PLEKHF1: variants seen among roughly 807,000 people sequenced by gnomAD.
PLEKHF1 encodes the protein pleckstrin homology and FYVE domain containing 1, also known as pleckstrin homology domain-containing family F member 1.
Under a neutral mutation model 4.1 loss-of-function variants are expected in PLEKHF1, and 1 was observed. The observed-to-expected ratio is 0.24, with a 90% CI of 0.09 to 1.15. The LOEUF is 1.15. Ranked by LOEUF, PLEKHF1 falls within the 50% of genes most tolerant of loss-of-function variation. The pLI, the probability that PLEKHF1 is intolerant of heterozygous loss-of-function variation, is 0.52. For synonymous variants in PLEKHF1, 182 were observed against 178.5 expected (o/e 1.02, Z -0.16); for missense variants, 429 against 400.6 (o/e 1.07, Z -0.60).
chr19:29,673,774 C>T (rs1033140664), intron 1 of PLEKHF1, 50 bp from the exon 2 acceptor site: 5 of 1,547,550 alleles, frequency 3.2e-6, no homozygotes, highest in Non-Finnish European at 4.4e-6. Context: ...GTGGTTCTGA[C>T]ACCCCCATGC....
At chr19:29,672,989 C>T (rs1004278591) in intron 1 of PLEKHF1, among the ~76,000 whole-genome samples, 4 of 152,200 alleles carry the variant, frequency 2.6e-5, no homozygotes, top group African/African-American at 9.6e-5. Context: ...TGTGGCCTCA[C>T]ACTCCACTCG....
rs997163006 is a variant in PLEKHF1, at chr19:29,674,203, T to C, written c.364T>C (p.Trp122Arg). ...CGCCTCCGCTACGGAGCGCCAGGAA[T>C]GGATTAGCCACATCGAGGAGTGCGT... The part of the protein sequence containing the change: ...SAASATERQE[W>R]ISHIEECVRR... Residue 122 changes from tryptophan to arginine, a missense_variant, in exon 2 of 2, where the codon TGG becomes CGG. Transcript: ENST00000436066. 6.2e-7 allele frequency: 1 copy of C among 1,612,948 alleles called. No homozygotes were observed. The highest frequency in any genetic ancestry group is 1.3e-5 in the African/African-American group (1 of 75,046).
chr19:29,669,739 T>C (rs1971609196), intron 1 of PLEKHF1, among the ~76,000 whole-genome samples: 1 of 152,216 alleles, frequency 6.6e-6, no homozygotes, highest in South Asian at 2.1e-4. Context: ...AAAAAAACTT[T>C]TTTAAAAATG....
At position 29,674,380 on chromosome 19, in the gene PLEKHF1, G is replaced by A. The variant is rs572876890; in HGVS notation, c.541G>A (p.Val181Met). Residue 181 changes from valine (V) to methionine (M), a missense_variant, in exon 2 of 2, where the codon GTG becomes ATG. Physicochemically the swap from Val to Met is conservative, Grantham distance 21. Coordinates refer to ENST00000436066, the MANE Select transcript of PLEKHF1 (RefSeq NM_024310.5). ...CCACCACTGCCGCAAGTGCGGCTTC[G>A]TGGTCTGCGCTGAGTGCTCGCGCCA... ...RRHHCRKCGFVVCAECSRQRF... is the reference protein window; with the variant it reads ...RRHHCRKCGFMVCAECSRQRF... 3.9e-6 allele frequency: 6 copies of A among 1,535,788 alleles called. No individual in the cohort carries two copies. The highest frequency in any genetic ancestry group is 1.2e-5 in the South Asian group (1 of 84,710).
rs867833514 is a variant in PLEKHF1 at position 29,674,135 on chromosome 19, G to A, written c.296G>A (p.Arg99His). 3 of 1,613,824 alleles carry A rather than the reference G, an allele frequency of 1.9e-6. No homozygotes were observed. The highest frequency in any genetic ancestry group is 2.5e-6 in the Non-Finnish European group (3 of 1,179,986). ...CCGGAGACGCTGCAGGCCAAGAACC[G>A]CTGGATGATCAAGACGGCCAAGAAG... ...LLPETLQAKNRWMIKTAKKSF... is the reference protein window; with the variant it reads ...LLPETLQAKNHWMIKTAKKSF... The change falls in exon 2 of 2, where the codon CGC becomes CAC. Residue 99 changes from arginine to histidine, a missense_variant. By Grantham distance (29) the Arg-to-His change is conservative. Transcript: ENST00000436066.
At chr19:29,668,444 G>T (rs1483166560) in intron 1 of PLEKHF1, among the ~76,000 whole-genome samples, 1 of 151,998 alleles carries the variant, frequency 6.6e-6, no homozygotes, top group Non-Finnish European at 1.5e-5. Context: ...TCCCAGCTGG[G>T]CTCAGTGGCT....
Position 29,674,875 on chromosome 19 carries a change from C to A in PLEKHF1, c.*196C>A. On this transcript the variant is annotated 3_prime_UTR_variant, in exon 2 of 2. Transcript: ENST00000436066. ...CTTATGGCTTCACTGCAGGTAATGC[C>A]TTTCCCTTCAGGAAGCCCCAGAACA... 1.2e-6 allele frequency: 1 copy of A among 800,066 alleles called. No homozygotes were observed. The highest frequency in any genetic ancestry group is 1.9e-6 in the Non-Finnish European group (1 of 527,234). The allele number at this position is 800,066 out of a possible 1,614,324, so 49.6% of individuals were successfully genotyped here.
chr19:29,670,906 C>A (rs148990713), intron 1 of PLEKHF1, among the ~76,000 whole-genome samples: 5 of 151,982 alleles, frequency 3.3e-5, no homozygotes, highest in Admixed American at 1.3e-4. Context: ...GATCTCCTGA[C>A]CTCATGATCC....
At chr19:29,667,736 AC>A (rs1971585119) in intron 1 of PLEKHF1, among the ~76,000 whole-genome samples, 1 of 151,716 alleles carries the variant, frequency 6.6e-6, no homozygotes, top group Admixed American at 6.6e-5. Flanking sequence ...AGGAGAGAGG[AC>A]AGGACGACTC....
Position 29,674,721 on chromosome 19 carries a change from G to T in PLEKHF1, c.*42G>T. 6.5e-7 allele frequency: 1 copy of T among 1,542,340 alleles called. No homozygotes were observed. Among genetic ancestry groups the T allele is most frequent in the Non-Finnish European group, 8.7e-7 (1 of 1,143,316 alleles). ...CATCTGTCCCCAAGCCAGCTCCACTGCCCAGGCCCCCAAGAGGGCAGCTCC... is the reference window on the plus strand; with the variant it reads ...CATCTGTCCCCAAGCCAGCTCCACTTCCCAGGCCCCCAAGAGGGCAGCTCC... On this transcript the variant is annotated 3_prime_UTR_variant, in exon 2 of 2. Coordinates refer to ENST00000436066, the MANE Select transcript of PLEKHF1 (RefSeq NM_024310.5).
chr19:29,666,711 G>C (rs941273070), intron 1 of PLEKHF1, among the ~76,000 whole-genome samples: 4 of 152,250 alleles, frequency 2.6e-5, no homozygotes, highest in South Asian at 2.1e-4. Flanking sequence ...ACTCAGCAGG[G>C]ACCTTGGGCA....
Position 29,674,257 on chromosome 19 carries a change from C to T in PLEKHF1, c.418C>T (p.Pro140Ser), listed in dbSNP as rs1342784629. 1 of 1,606,804 alleles carries T rather than the reference C, an allele frequency of 6.2e-7. No homozygotes were observed. Among genetic ancestry groups the T allele is most frequent in the Non-Finnish European group, 8.5e-7 (1 of 1,178,954 alleles). Residue 140 changes from proline (P) to serine (S), a missense_variant, in exon 2 of 2, where the codon CCG (proline) becomes TCG (serine). Pro to Ser is a moderately conservative substitution (Grantham distance 74). Coordinates refer to ENST00000436066, the MANE Select transcript of PLEKHF1 (RefSeq NM_024310.5). ...GCGGCAACTGAGGGCCACGGGCCGC[C>T]CGCCCAGCACGGAGCACGCGGCACC... ...VRRQLRATGR[P>S]PSTEHAAPWI... is the part of the protein sequence containing the mutation.
chr19:29,665,820 G>A (rs1971563317), intron 1 of PLEKHF1: 1 of 1,057,208 alleles, frequency 9.5e-7, no homozygotes. Flanking sequence ...GGCCACCCGG[G>A]ACTGCAGGGG....
intron 1 of PLEKHF1, among the ~76,000 whole-genome samples, chr19:29,667,483 G>T (rs1971581800): frequency 6.6e-6 from 1 of 152,186 alleles, no homozygotes; most frequent in Non-Finnish European, 1.5e-5. Context: ...GTCCCTGCAG[G>T]GAAGGAGGAG....
Position 29,674,353 on chromosome 19 carries a change from C to A in PLEKHF1, c.514C>A (p.Arg172Ser). Residue 172 changes from arginine to serine, a missense_variant, in exon 2 of 2, where the codon CGC (arginine) becomes AGC (serine). Arg to Ser is a moderately radical substitution (Grantham distance 110). Transcript: ENST00000436066. ...TQTRFSALTR[R>S]HHCRKCGFVV... is the part of the protein sequence containing the mutation. Reference sequence around the variant, plus strand: ...GACGCGCTTCTCTGCCCTCACGAGGCGCCACCACTGCCGCAAGTGCGGCTT... The same window carrying A: ...GACGCGCTTCTCTGCCCTCACGAGGAGCCACCACTGCCGCAAGTGCGGCTT... 6.5e-7 allele frequency: 1 copy of A among 1,548,370 alleles called. No homozygotes were observed.
In PLEKHF1 at chr19:29,674,778, C is replaced by A; in HGVS notation, c.*99C>A. 1.4e-6 allele frequency: 2 copies of A among 1,464,010 alleles called. No homozygotes were observed. The highest frequency in any genetic ancestry group is 2.9e-5 in the South Asian group (2 of 69,036). The allele number at this position is 1,464,010 out of a possible 1,614,324, so 90.7% of individuals were successfully genotyped here. A position where few individuals can be genotyped will look rare whatever the true frequency, so the allele number is the denominator to read the frequency against. On this transcript the variant is annotated 3_prime_UTR_variant, in exon 2 of 2. Coordinates refer to ENST00000436066, the MANE Select transcript of PLEKHF1 (RefSeq NM_024310.5). ...TGCCCAGGGCTCCGGGACCCCATCC[C>A]ATGGTGGCAGGTGCAGCGGTGGGGA...
At chr19:29,673,371 T>C (rs1971652013) in intron 1 of PLEKHF1, among the ~76,000 whole-genome samples, 1 of 149,956 alleles carries the variant, frequency 6.7e-6, no homozygotes, top group Non-Finnish European at 1.5e-5. Flanking sequence ...CTGCCCACAG[T>C]AGTAGCCGGC....
Position 29,671,164 on chromosome 19 carries a change from A to T in PLEKHF1, c.-16-2660A>T, listed in dbSNP as rs1333188797. On this transcript the variant is annotated intron_variant, in intron 1 of 1. Transcript: ENST00000436066. The surrounding 1 kb of genome is among the most constrained non-coding windows in gnomAD (Gnocchi z 4.0). ...ACACAGGCTGGAGTGCAATGGCGCC[A>T]TCTTGGCTCACTGCAACCTCTGCTT... 6.8e-6 allele frequency among the ~76,000 whole-genome samples: 1 copy of T among 146,952 alleles called. No homozygotes were observed. Among genetic ancestry groups the T allele is most frequent in the Non-Finnish European group, 1.5e-5 (1 of 67,132 alleles).
At chr19:29,669,576 G>T (rs1286722088) in intron 1 of PLEKHF1, among the ~76,000 whole-genome samples, 1 of 152,150 alleles carries the variant, frequency 6.6e-6, no homozygotes, top group Non-Finnish European at 1.5e-5. Context: ...ATGCTCAGCG[G>T]CCCCCAGCCC....
Sources: allele counts gnomAD v4.1 joint callset (sites outside exome capture counted in the v4.1 genomes callset), GRCh38; gene constraint gnomAD v4.1.1; non-coding constraint Gnocchi (gnomAD v3.1); transcripts MANE v1.5; gene names NCBI Gene and HGNC (gene_info 2026-07-23, HGNC 2026-07-21).